Variants in MALRD1 observed in about 807,000 individuals in gnomAD.
MALRD1 encodes MAM and LDL-receptor class A domain-containing protein 1.
A neutral mutation model predicts 242.1 loss-of-function variants in MALRD1; 247 were observed. The observed-to-expected ratio is 1.02, with a 90% CI of 0.92 to 1.13. The LOEUF (loss-of-function observed/expected upper bound fraction) is 1.13. Ranked by LOEUF, MALRD1 falls within the 50% of genes most tolerant of loss-of-function variation. MALRD1 has a pLI of 0.00. For missense variants in MALRD1, 2,989 were observed against 2,533.1 expected, an observed-to-expected ratio of 1.18 and a Z score of -3.86; for synonymous variants, 995 against 866.6, an observed-to-expected ratio of 1.15 and a Z score of -2.60.
At chr10:19,205,930 AC>A (rs1423127893) in intron 17 of MALRD1, among the ~76,000 whole-genome samples, 4 of 148,204 alleles carry the variant, frequency 2.7e-5, no homozygotes, top group African/African-American at 1.0e-4. Context: ...TTTTTGAGTT[AC>A]AAAACCCTGT....
intron 24 of MALRD1, among the ~76,000 whole-genome samples, chr10:19,341,180 A>C (rs541540206): frequency 2.0e-5 from 3 of 152,138 alleles, no homozygotes; most frequent in African/African-American, 7.2e-5. Context: ...TGAATAGACT[A>C]AAATATATTC....
intron 1 of MALRD1, among the ~76,000 whole-genome samples, chr10:19,058,108 G>C (rs1834720629): frequency 6.6e-6 from 1 of 152,148 alleles, no homozygotes; most frequent in Non-Finnish European, 1.5e-5. Flanking sequence ...AAACATTGTA[G>C]GAATAGTAGT....
intron 1 of MALRD1, among the ~76,000 whole-genome samples, chr10:19,065,287 C>CA (rs1197670439): frequency 0.026 from 1,295 of 50,418 alleles, 58 homozygotes; most frequent in African/African-American, 0.037. Flanking sequence ...AACGCTGTCT[C>CA]AAAAAAAAAA....
intron 23 of MALRD1, among the ~76,000 whole-genome samples, chr10:19,329,540 C>A (rs1843275726): frequency 6.6e-6 from 1 of 152,002 alleles, no homozygotes; most frequent in Non-Finnish European, 1.5e-5. Flanking sequence ...ATTTTGCTTT[C>A]ACAATAACCT....
At chr10:19,547,785 CATATATATATATATATAT>C (rs1160775136) in intron 32 of MALRD1, among the ~76,000 whole-genome samples, 1,316 of 16,154 alleles carry the variant, frequency 0.081, 178 homozygotes, top group African/African-American at 0.17. Context: ...TTCACAGATA[CATATATATATATATATAT>C]ATATATATAT....
At chr10:19,402,350 G>A (rs1846896707) in intron 28 of MALRD1, among the ~76,000 whole-genome samples, 1 of 152,088 alleles carries the variant, frequency 6.6e-6, no homozygotes, top group South Asian at 2.1e-4. Flanking sequence ...GTCAATAACG[G>A]GGCCAGGTGG....
intron 21 of MALRD1, among the ~76,000 whole-genome samples, chr10:19,322,788 T>C (rs1588908210): frequency 6.6e-6 from 1 of 152,128 alleles, no homozygotes; most frequent in Non-Finnish European, 1.5e-5. Context: ...CCCAAAATGA[T>C]AAAAAATTTC....
rs573809611 is a variant in MALRD1, at chr10:19,734,063, T to C, written c.6391-94T>C. On this transcript the variant is annotated intron_variant, in intron 39 of 39. Coordinates refer to ENST00000454679, the MANE Select transcript of MALRD1 (RefSeq NM_001142308.3). The stretch of plus-strand genomic sequence containing the variant: ...TAGTTATTACTCCAGTGAAAATCCA[T>C]TGGGACCTTTGCTGCATTCTGCGTG... 5.7e-5 allele frequency: 53 copies of C among 937,586 alleles called. No individual in the cohort carries two copies. In the East Asian group the frequency reaches 5.7e-4, roughly 10 times the overall value. 58.1% of individuals were successfully genotyped at this position (937,586 alleles called of 1,614,324 possible). A position where few individuals can be genotyped will look rare whatever the true frequency, so the allele number is the denominator to read the frequency against.
At chr10:19,232,279 G>T (rs1838114053) in intron 18 of MALRD1, among the ~76,000 whole-genome samples, 1 of 151,434 alleles carries the variant, frequency 6.6e-6, no homozygotes. Flanking sequence ...CAATTCTCCT[G>T]CCTCAGTCTC....
intron 10 of MALRD1, among the ~76,000 whole-genome samples, chr10:19,143,609 C>T (rs574524898): frequency 6.6e-6 from 1 of 152,288 alleles, no homozygotes; most frequent in South Asian, 2.1e-4. Flanking sequence ...CCAGGCAAGA[C>T]ATGTGGTCAC....
At chr10:19,731,746 C>T (rs889798588) in intron 39 of MALRD1, among the ~76,000 whole-genome samples, 1 of 151,992 alleles carries the variant, frequency 6.6e-6, no homozygotes, top group Non-Finnish European at 1.5e-5. Flanking sequence ...ACACCACTTC[C>T]GAACTGTAAA....
chr10:19,178,102 A>G (rs777664956), intron 14 of MALRD1, among the ~76,000 whole-genome samples: 3 of 152,160 alleles, frequency 2.0e-5, no homozygotes, highest in Non-Finnish European at 2.9e-5. Context: ...TAACCTTAGC[A>G]AAAGTTTTTG....
At chr10:19,600,989 A>G (rs1309453072) in intron 34 of MALRD1, among the ~76,000 whole-genome samples, 1 of 151,938 alleles carries the variant, frequency 6.6e-6, no homozygotes. Context: ...GGCTCAAGCA[A>G]TCCCCCCACC....
At chr10:19,687,274 A>C (rs1414570342) in intron 36 of MALRD1, among the ~76,000 whole-genome samples, 6 of 152,226 alleles carry the variant, frequency 3.9e-5, no homozygotes, top group Non-Finnish European at 8.8e-5. Flanking sequence ...AGCCTTGTGT[A>C]GTCATGAAAT....
intron 27 of MALRD1, among the ~76,000 whole-genome samples, chr10:19,388,228 A>C (rs1589005135): frequency 6.6e-6 from 1 of 152,278 alleles, no homozygotes; most frequent in East Asian, 1.9e-4. Context: ...CCATCCTAAC[A>C]GCCTCATTTT....
At chr10:19,055,705 A>G (rs1306074537) in intron 1 of MALRD1, among the ~76,000 whole-genome samples, 1 of 152,192 alleles carries the variant, frequency 6.6e-6, no homozygotes, top group East Asian at 1.9e-4. Context: ...GCCAAAGTCA[A>G]TTGACCATCA....
At chr10:19,421,646 C>T (rs369540293) in intron 28 of MALRD1, among the ~76,000 whole-genome samples, 21 of 152,280 alleles carry the variant, frequency 1.4e-4, no homozygotes, top group African/African-American at 4.6e-4. Context: ...CACTAGTCAA[C>T]GTATCCCATA....
chr10:19,554,300 G>A (rs1026372819), intron 32 of MALRD1, among the ~76,000 whole-genome samples: 2 of 152,156 alleles, frequency 1.3e-5, no homozygotes, highest in Non-Finnish European at 2.9e-5. Context: ...AAGGCGAACG[G>A]GTAGCAGGCA....
chr10:19,384,124 T>C (rs1043178901), intron 26 of MALRD1, among the ~76,000 whole-genome samples: 7 of 151,218 alleles, frequency 4.6e-5, no homozygotes, highest in African/African-American at 1.5e-4. Flanking sequence ...TGATTCGTGA[T>C]GTTGAGCATC....
Sources: allele counts gnomAD v4.1 joint callset (sites outside exome capture counted in the v4.1 genomes callset), GRCh38; gene constraint gnomAD v4.1.1; transcripts MANE v1.5; gene names NCBI Gene and HGNC (gene_info 2026-07-23, HGNC 2026-07-21).